Variants in EHBP1 observed in about 807,000 individuals in gnomAD.
EHBP1 encodes EH domain binding protein 1.
A neutral mutation model predicts 144.0 loss-of-function variants in EHBP1; 55 were observed. That is an observed-to-expected ratio of 0.38 (90% confidence interval 0.31 to 0.48). EHBP1 has a LOEUF of 0.48. Among genes scored for constraint, EHBP1 ranks in the 20% least tolerant of loss-of-function variants. The probability of loss-of-function intolerance (pLI) is 0.98; values close to 1 mark genes in which losing one functional copy is unlikely to be tolerated. For missense variants in EHBP1, 1,200 were observed against 1,364.2 expected, an observed-to-expected ratio of 0.88 and a Z score of 1.90; for synonymous variants, 469 against 472.7, an observed-to-expected ratio of 0.99 and a Z score of 0.10.
chr2:62,979,043 G>A, intron 14 of EHBP1, 145 bp from the exon 15 acceptor site: 1 of 554,984 alleles, frequency 1.8e-6, no homozygotes, highest in Non-Finnish European at 2.9e-6. Flanking sequence ...TAAAAATGGT[G>A]TGACATCCAA....
At chr2:62,800,616 C>G (rs1055805238) in intron 5 of EHBP1, among the ~76,000 whole-genome samples, 10 of 152,110 alleles carry the variant, frequency 6.6e-5, no homozygotes, top group African/African-American at 2.4e-4. Flanking sequence ...ATTTATAAAT[C>G]TTAGGGTTTT....
intron 20 of EHBP1, 83 bp from the exon 21 acceptor site, chr2:63,038,660 A>C: frequency 7.6e-7 from 1 of 1,315,520 alleles, no homozygotes; most frequent in Non-Finnish European, 1.1e-6. Flanking sequence ...TATGAGTCCT[A>C]AAATCAATGT....
intron 13 of EHBP1, among the ~76,000 whole-genome samples, chr2:62,954,800 A>G (rs2057594796): frequency 6.6e-6 from 1 of 152,158 alleles, no homozygotes; most frequent in East Asian, 1.9e-4. Context: ...CTAAAGCCAG[A>G]AGTTGGTTAC....
chr2:62,772,529 A>G lies in EHBP1; in HGVS notation c.312+1137A>G, dbSNP rs531099734. Among the ~76,000 whole-genome samples the G allele has an allele frequency of 2.5e-4, 38 of 152,384 alleles. No individual in the cohort carries two copies. In the South Asian group the frequency reaches 7.4e-3, roughly 30 times the overall value. ...CTTCTCTCCAAACATTTATTAATATATTAGATTCACAGAAATCTAATGAAA... is the reference window on the plus strand; with the variant it reads ...CTTCTCTCCAAACATTTATTAATATGTTAGATTCACAGAAATCTAATGAAA... On this transcript the variant is annotated intron_variant, in intron 5 of 22. Transcript: ENST00000431489.
In EHBP1 at chr2:62,917,854, T is replaced by A. The variant is rs145804382; in HGVS notation, c.1186-24864T>A. 6.4e-3 allele frequency among the ~76,000 whole-genome samples: 967 copies of A among 152,176 alleles called. 12 individuals are homozygous for A. Among genetic ancestry groups the A allele is most frequent in the African/African-American group, 0.022 (912 of 41,526 alleles). On this transcript the variant is annotated intron_variant, in intron 10 of 22. Transcript: ENST00000431489. Reference sequence around the variant, plus strand: ...GTCTCCCAGCACTTTGATTTCTGATTTATTCTGGTTTCGTTTGTTTAGTTT... The same window carrying A: ...GTCTCCCAGCACTTTGATTTCTGATATATTCTGGTTTCGTTTGTTTAGTTT...
chr2:62,695,286 A>G (rs754771424), intron 1 of EHBP1, among the ~76,000 whole-genome samples: 1 of 152,122 alleles, frequency 6.6e-6, no homozygotes, highest in Non-Finnish European at 1.5e-5. Context: ...ACTTGAGACC[A>G]GGAGGTCGAG....
chr2:62,678,589 CTTAT>C (rs1320043555), intron 1 of EHBP1, among the ~76,000 whole-genome samples: 1 of 152,038 alleles, frequency 6.6e-6, no homozygotes, highest in Non-Finnish European at 1.5e-5. Context: ...TATACATTAG[CTTAT>C]TTGAGTTCCA....
rs1286516649 is a variant in EHBP1, at chr2:62,955,584, G to T, written c.2384G>T (p.Arg795Ile). ...AGAGTTCTGCTTGAGCAAGCAAGAA[G>T]AGATGCAGCCTTAAAGGCGGGGAAT... Reference protein sequence around the residue: ...RARVLLEQARRDAALKAGNKH... With the variant: ...RARVLLEQARIDAALKAGNKH... The change falls in exon 14 of 23, where the codon AGA becomes ATA. Residue 795 changes from arginine (R) to isoleucine (I), a missense_variant. Arg to Ile is a moderately conservative substitution (Grantham distance 97). Around this residue, in one of 6 missense-constraint regions of EHBP1, gnomAD observed 543 missense variants for 513.1 expected, o/e 1.06. Transcript: ENST00000431489. 6.2e-7 allele frequency: 1 copy of T among 1,613,152 alleles called. No individual in the cohort carries two copies. Among genetic ancestry groups the T allele is most frequent in the Middle Eastern group, 1.7e-4 (1 of 6,056 alleles).
chr2:62,917,268 G>C (rs757892122), intron 10 of EHBP1, among the ~76,000 whole-genome samples: 1 of 152,150 alleles, frequency 6.6e-6, no homozygotes, highest in Non-Finnish European at 1.5e-5. Context: ...ATTCCAGCCT[G>C]AGCAGCAGAG....
chr2:62,788,874 C>T (rs72888949), intron 5 of EHBP1, among the ~76,000 whole-genome samples: 2,369 of 152,282 alleles, frequency 0.016, 59 homozygotes, highest in African/African-American at 0.054. Context: ...ATCTATGAAA[C>T]GCCACTCATC....
At chr2:62,898,372 GAC>G in intron 10 of EHBP1, among the ~76,000 whole-genome samples, 1 of 152,242 alleles carries the variant, frequency 6.6e-6, no homozygotes, top group Middle Eastern at 3.4e-3. Flanking sequence ...TCTCCTGAAA[GAC>G]AGAGTTAACC....
intron 2 of EHBP1, among the ~76,000 whole-genome samples, chr2:62,713,336 G>A (rs1305747485): frequency 6.6e-6 from 1 of 151,646 alleles, no homozygotes. Flanking sequence ...CTGCCTCCTG[G>A]GTTCAAGTGA....
chr2:62,894,820 A>G (rs981930795), intron 10 of EHBP1, among the ~76,000 whole-genome samples: 1 of 151,888 alleles, frequency 6.6e-6, no homozygotes, highest in Admixed American at 6.6e-5. Context: ...CAGGAGGTTA[A>G]GGTGGGAGGA....
rs1241645967 is a variant in EHBP1 at position 62,837,340 on chromosome 2, T to C, written c.634+6182T>C. Among the ~76,000 whole-genome samples, 1,095 of 143,176 alleles carry C rather than the reference T, an allele frequency of 7.6e-3. 7 individuals are homozygous for C. The highest frequency in any genetic ancestry group is 0.027 in the African/African-American group (1,046 of 38,172). 93.9% of individuals were successfully genotyped at this position (143,176 alleles called of 152,430 possible). On this transcript the variant is annotated intron_variant, in intron 7 of 22. Transcript: ENST00000431489. ...GCCCTAAAAGAGCTCCTGAAGGAAG[T>C]GCTAAACATGGAAAGGAACAACCGG... is the stretch of plus-strand genomic sequence containing the variant.
chr2:62,819,908 A>G (rs541067101), intron 5 of EHBP1, among the ~76,000 whole-genome samples: 1 of 152,196 alleles, frequency 6.6e-6, no homozygotes, highest in East Asian at 1.9e-4. Context: ...GCATAGATGA[A>G]TATTAAGAAC....
chr2:62,725,174 G>C (rs980263572), intron 2 of EHBP1, among the ~76,000 whole-genome samples: 15 of 152,166 alleles, frequency 9.9e-5, no homozygotes, highest in Admixed American at 7.9e-4. Context: ...TGGCGGTGGG[G>C]GCGCTCCAAG....
chr2:62,747,802 G>A (rs957036137), intron 3 of EHBP1, among the ~76,000 whole-genome samples: 2 of 151,894 alleles, frequency 1.3e-5, no homozygotes, highest in African/African-American at 4.8e-5. Context: ...AGGAGGTGGG[G>A]GGCCTTTAAG....
At chr2:62,716,621 A>G (rs1162279775) in intron 2 of EHBP1, among the ~76,000 whole-genome samples, 4 of 152,230 alleles carry the variant, frequency 2.6e-5, no homozygotes, top group Admixed American at 6.5e-5. Context: ...ATACTTTACC[A>G]TCATCTTCAG....
intron 19 of EHBP1, among the ~76,000 whole-genome samples, chr2:63,008,455 T>C (rs2060132824): frequency 1.3e-5 from 2 of 151,546 alleles, no homozygotes; most frequent in South Asian, 4.1e-4. Flanking sequence ...CTTTATGCCC[T>C]CTCTAATGAA....
Sources: allele counts gnomAD v4.1 joint callset (sites outside exome capture counted in the v4.1 genomes callset), GRCh38; gene constraint gnomAD v4.1.1; regional missense constraint gnomAD v4.1.1; transcripts MANE v1.5; gene names NCBI Gene and HGNC (gene_info 2026-07-23, HGNC 2026-07-21).